ZFPM1: variants seen among roughly 807,000 people sequenced by gnomAD.
The protein encoded by ZFPM1 is zinc finger protein ZFPM1.
In ZFPM1, 28 loss-of-function variants were observed where a neutral mutation model predicts 46.3. The ratio of observed to expected loss-of-function variants is 0.60; its 90% confidence interval spans 0.45 to 0.83. The LOEUF is 0.83. Among genes scored for constraint, ZFPM1 ranks in the 40% least tolerant of loss-of-function variants. The pLI is 0.00. For synonymous variants in ZFPM1, 957 were observed against 675.9 expected, an observed-to-expected ratio of 1.42 and a Z score of -6.45; for missense variants, 1,878 against 1,432.4, an observed-to-expected ratio of 1.31 and a Z score of -5.02.
intron 1 of ZFPM1, among the ~76,000 whole-genome samples, chr16:88,457,799 C>T (rs943285044): frequency 5.3e-5 from 8 of 152,260 alleles, no homozygotes; most frequent in African/African-American, 1.7e-4. Context: ...CCTCAAGCCA[C>T]ATTTAGCAGA....
At position 88,483,796 on chromosome 16, in the gene ZFPM1, C is replaced by T. The variant is rs146537229; in HGVS notation, c.41-2143C>T. Among the ~76,000 whole-genome samples the T allele has an allele frequency of 5.4e-3, 821 of 152,334 alleles. 3 individuals carry two copies. Among genetic ancestry groups the T allele is most frequent in the African/African-American group, 0.018 (764 of 41,568 alleles). On this transcript the variant is annotated intron_variant, in intron 1 of 9. Coordinates refer to ENST00000319555, the MANE Select transcript of ZFPM1 (RefSeq NM_153813.3). The stretch of plus-strand genomic sequence containing the variant: ...CCCCTCCAGGAGCAGTTTGGTTTGA[C>T]GGCATCAGCCAGCCACAGCCTGCTC...
Position 88,533,975 on chromosome 16 carries a change from G to A in ZFPM1, c.2017G>A (p.Val673Met). The stretch of plus-strand genomic sequence containing the variant: ...GGGCAGCCAGAGCCCGGGTAGCTCC[G>A]TGGACGACGCGGAGGACGACCCCAG... ...SEGSQSPGSSVDDAEDDPSRT... is the reference protein window; with the variant it reads ...SEGSQSPGSSMDDAEDDPSRT... The change falls in exon 10 of 10, where the codon GTG (valine) becomes ATG (methionine). Residue 673 changes from valine to methionine, a missense_variant. Val to Met is a conservative substitution (Grantham distance 21, BLOSUM62 1). Transcript: ENST00000319555. 2.3e-6 allele frequency: 3 copies of A among 1,331,626 alleles called. No individual in the cohort carries two copies. The highest frequency in any genetic ancestry group is 2.0e-6 in the Non-Finnish European group (2 of 1,023,756). 82.5% of individuals were successfully genotyped at this position (1,331,626 alleles called of 1,614,324 possible).
At chr16:88,467,704 C>T (rs1310895922) in intron 1 of ZFPM1, among the ~76,000 whole-genome samples, 1 of 152,166 alleles carries the variant, frequency 6.6e-6, no homozygotes, top group Non-Finnish European at 1.5e-5. Context: ...TTGGGCACAG[C>T]GGGCCCTAAG....
intron 1 of ZFPM1, chr16:88,468,962 A>G (rs1908290198): frequency 1.3e-5 from 2 of 154,216 alleles, no homozygotes; most frequent in African/African-American, 4.8e-5. Flanking sequence ...AGGCGGATGG[A>G]CAGGCTGGCC....
chr16:88,533,732 T>C lies in ZFPM1; in HGVS notation c.1774T>C (p.Tyr592His), dbSNP rs1391030092. 2.7e-6 allele frequency: 4 copies of C among 1,493,942 alleles called. No homozygotes were observed. The highest frequency in any genetic ancestry group is 1.5e-5 in the African/African-American group (1 of 67,240). The allele number at this position is 1,493,942 out of a possible 1,614,324, so 92.5% of individuals were successfully genotyped here. Residue 592 changes from tyrosine (Y) to histidine (H), a missense_variant, in exon 10 of 10, where the codon TAC (tyrosine) becomes CAC (histidine). By Grantham distance (83) the Tyr-to-His change is moderately conservative. Coordinates refer to ENST00000319555, the MANE Select transcript of ZFPM1 (RefSeq NM_153813.3). ...GATCACCTTCAGCAACGTCAACAACTACTACGTGCACAAGCGCCTCTACTG... is the reference window on the plus strand; with the variant it reads ...GATCACCTTCAGCAACGTCAACAACCACTACGTGCACAAGCGCCTCTACTG... ...CEITFSNVNN[Y>H]YVHKRLYCSG...
At chr16:88,485,108 CG>C (rs1361871996) in intron 1 of ZFPM1, among the ~76,000 whole-genome samples, 1 of 152,180 alleles carries the variant, frequency 6.6e-6, no homozygotes, top group South Asian at 2.1e-4. Context: ...GGGAAGTGCA[CG>C]GGGACTGGGC....
At chr16:88,531,915 C>T in intron 6 of ZFPM1, 87 bp from the exon 7 acceptor site, 1 of 1,348,922 alleles carries the variant, frequency 7.4e-7, no homozygotes. Flanking sequence ...TGGGGTCCGT[C>T]ACGGCCAGGC....
At chr16:88,467,359 C>T (rs563047778) in intron 1 of ZFPM1, among the ~76,000 whole-genome samples, 24 of 152,348 alleles carry the variant, frequency 1.6e-4, no homozygotes, top group Non-Finnish European at 2.6e-4. Context: ...GGGCCGACAC[C>T]GCTAAGCCTG....
In ZFPM1 at chr16:88,517,242, G is replaced by GTGGA. The variant is rs1555527342; in HGVS notation, c.402+2745_402+2748dup. On this transcript the variant is annotated intron_variant, in intron 4 of 9. Transcript: ENST00000319555. ...GATGGATGGATGGGTGGGTGGGTGG[G>GTGGA]TGGATGGATGGATGGATGGATGGAT... 9.5e-4 allele frequency among the ~76,000 whole-genome samples: 54 copies of GTGGA among 56,910 alleles called. 1 individual carries two copies. The highest frequency in any genetic ancestry group is 1.9e-3 in the Admixed American group (10 of 5,260). The allele number at this position is 56,910 out of a possible 152,430, so 37.3% of individuals were successfully genotyped here. A position where few individuals can be genotyped will look rare whatever the true frequency, so the allele number is the denominator to read the frequency against.
At chr16:88,503,551 C>T (rs979652141) in intron 3 of ZFPM1, among the ~76,000 whole-genome samples, 5 of 152,134 alleles carry the variant, frequency 3.3e-5, no homozygotes, top group Admixed American at 1.3e-4. Context: ...GTCTTTCCCA[C>T]CCTCTGCCTG....
intron 1 of ZFPM1, among the ~76,000 whole-genome samples, chr16:88,458,877 C>T (rs1907675063): frequency 6.6e-6 from 1 of 152,312 alleles, no homozygotes; most frequent in South Asian, 2.1e-4. Flanking sequence ...CCAGAACCTG[C>T]AAAGGGGTCA....
At chr16:88,523,778 T>C (rs976458595) in intron 4 of ZFPM1, among the ~76,000 whole-genome samples, 12 of 151,930 alleles carry the variant, frequency 7.9e-5, no homozygotes, top group Non-Finnish European at 1.6e-4. Flanking sequence ...CACCCCTAGG[T>C]CTCCTACCTG....
rs757251573 is a variant in ZFPM1 at position 88,480,472 on chromosome 16, G to T, written c.41-5467G>T. Among the ~76,000 whole-genome samples the T allele has an allele frequency of 1.3e-5, 2 of 152,196 alleles. No individual in the cohort carries two copies. Among genetic ancestry groups the T allele is most frequent in the South Asian group, 2.1e-4 (1 of 4,832 alleles). On this transcript the variant is annotated intron_variant, in intron 1 of 9. Coordinates refer to ENST00000319555, the MANE Select transcript of ZFPM1 (RefSeq NM_153813.3). This position sits in a 1 kb window ranked among gnomAD's most constrained non-coding sequence, Gnocchi z 4.9. ...GTGCTGGTGGGGGAGGAGCGGGGCC[G>T]TGTGGCTGCCAGTGGTCACCCGCCC...
intron 4 of ZFPM1, among the ~76,000 whole-genome samples, chr16:88,520,348 T>C (rs756511038): frequency 1.3e-5 from 2 of 149,518 alleles, no homozygotes; most frequent in Non-Finnish European, 3.0e-5. Flanking sequence ...GATGAGTGGA[T>C]AGATGAATAG....
intron 1 of ZFPM1, among the ~76,000 whole-genome samples, chr16:88,472,904 G>T (rs915294052): frequency 6.6e-5 from 10 of 152,252 alleles, no homozygotes; most frequent in Non-Finnish European, 1.5e-4. Context: ...TTTCAGGCGG[G>T]GCAGCAGGCC....
intron 1 of ZFPM1, among the ~76,000 whole-genome samples, chr16:88,455,384 G>T (rs958893992): frequency 3.3e-5 from 5 of 152,000 alleles, no homozygotes; most frequent in African/African-American, 1.2e-4. Context: ...CCGGGACCGG[G>T]GCAGAGAAAG....
intron 3 of ZFPM1, among the ~76,000 whole-genome samples, chr16:88,489,610 C>T (rs1909442746): frequency 6.6e-6 from 1 of 152,238 alleles, no homozygotes; most frequent in South Asian, 2.1e-4. Context: ...CACCCCACTC[C>T]AGAGCGGCTG....
At chr16:88,504,516 T>C (rs1019055210) in intron 3 of ZFPM1, among the ~76,000 whole-genome samples, 1 of 152,060 alleles carries the variant, frequency 6.6e-6, no homozygotes, top group Admixed American at 6.5e-5. Flanking sequence ...GGAGGTGACA[T>C]GAGGCTGTGG....
intron 1 of ZFPM1, among the ~76,000 whole-genome samples, chr16:88,467,561 C>T (rs1219660215): frequency 1.3e-5 from 2 of 152,110 alleles, no homozygotes; most frequent in Non-Finnish European, 2.9e-5. Flanking sequence ...ATGGTGTAGA[C>T]CGCGAGACCT....
Sources: gnomAD v4.1 joint callset for allele counts (sites outside exome capture counted in the v4.1 genomes callset) on GRCh38, gnomAD v4.1.1 for gene constraint, Gnocchi (gnomAD v3.1) non-coding constraint, MANE v1.5 for transcripts, NCBI Gene and HGNC (gene_info 2026-07-23, HGNC 2026-07-21) for gene names.